Variants in ZPBP observed in about 807,000 individuals in gnomAD.
ZPBP encodes zona pellucida-binding protein 1.
A neutral mutation model predicts 44.8 loss-of-function variants in ZPBP; 26 were observed. The observed-to-expected ratio is 0.58, with a 90% CI of 0.43 to 0.81. The LOEUF (loss-of-function observed/expected upper bound fraction) is 0.81. Among genes scored for constraint, ZPBP ranks in the 30% least tolerant of loss-of-function variants. The pLI, the probability that ZPBP is intolerant of heterozygous loss-of-function variation, is 0.00. For synonymous variants in ZPBP, 174 were observed against 153.2 expected (o/e 1.14, Z -1.00); for missense variants, 409 against 434.0 (o/e 0.94, Z 0.51).
intron 3 of ZPBP, among the ~76,000 whole-genome samples, chr7:50,060,894 T>C (rs1219093304): frequency 2.6e-5 from 4 of 152,126 alleles, no homozygotes; most frequent in African/African-American, 9.7e-5. Flanking sequence ...CTGATGAACA[T>C]AGATGTAAAA....
At chr7:49,909,124 G>A (rs1452646071) in intron 1 of ZPBP, among the ~76,000 whole-genome samples, 1 of 152,138 alleles carries the variant, frequency 6.6e-6, no homozygotes, top group Non-Finnish European at 1.5e-5. Flanking sequence ...AATTTAATCA[G>A]TCCAAGATCA....
intron 3 of ZPBP, among the ~76,000 whole-genome samples, chr7:50,078,419 G>A (rs530907148): frequency 1.3e-5 from 2 of 151,404 alleles, no homozygotes; most frequent in African/African-American, 2.4e-5. Flanking sequence ...ATAACCTAAG[G>A]AATAAATGCT....
intron 4 of ZPBP, among the ~76,000 whole-genome samples, chr7:50,052,469 T>G (rs1345098023): frequency 6.6e-6 from 1 of 152,158 alleles, no homozygotes; most frequent in African/African-American, 2.4e-5. Context: ...GGTGGAGACA[T>G]GGAGTAACTG....
chr7:50,061,201 C>A (rs185383975), intron 3 of ZPBP, among the ~76,000 whole-genome samples: 18 of 152,226 alleles, frequency 1.2e-4, no homozygotes, highest in Non-Finnish European at 2.4e-4. Flanking sequence ...CCACAGCCAA[C>A]ATCATACTAA....
intron 3 of ZPBP, among the ~76,000 whole-genome samples, chr7:50,073,483 G>A (rs1801944717): frequency 6.6e-6 from 1 of 152,092 alleles, no homozygotes; most frequent in African/African-American, 2.4e-5. Context: ...AGGGTAGAAA[G>A]TTTATTCAAA....
At chr7:50,040,800 G>A (rs901621263) in intron 4 of ZPBP, among the ~76,000 whole-genome samples, 4 of 152,184 alleles carry the variant, frequency 2.6e-5, no homozygotes, top group African/African-American at 4.8e-5. Flanking sequence ...GAACACCAGC[G>A]AGACAGAACC....
intron 3 of ZPBP, among the ~76,000 whole-genome samples, chr7:50,075,741 C>T (rs975851233): frequency 2.0e-5 from 3 of 151,780 alleles, no homozygotes; most frequent in East Asian, 1.9e-4. Flanking sequence ...TAACAAGTAA[C>T]AAGATAGAAG....
intron 4 of ZPBP, among the ~76,000 whole-genome samples, chr7:50,044,748 G>C (rs1299109497): frequency 6.6e-6 from 1 of 152,128 alleles, no homozygotes; most frequent in Non-Finnish European, 1.5e-5. Flanking sequence ...AAGAGGAGCT[G>C]GTACCATTCC....
intron 4 of ZPBP, among the ~76,000 whole-genome samples, chr7:50,050,121 G>T (rs1343486236): frequency 1.3e-5 from 2 of 151,904 alleles, no homozygotes; most frequent in African/African-American, 2.4e-5. Flanking sequence ...TAAATGGATA[G>T]ACATACCATG....
At chr7:49,858,808 T>A (rs1790533815) in intron 2 of ZPBP, among the ~76,000 whole-genome samples, 1 of 152,236 alleles carries the variant, frequency 6.6e-6, no homozygotes, top group Admixed American at 6.5e-5. Context: ...AAATGTTACT[T>A]ATTTTTTATG....
chr7:49,849,068 C>T (rs541022791), downstream of ZPBP, among the ~76,000 whole-genome samples: 1 of 152,262 alleles, frequency 6.6e-6, no homozygotes, highest in South Asian at 2.1e-4. Context: ...TGTGTTGGTG[C>T]GCTTCCCTCG....
At chr7:49,952,917 T>A (rs1251278864) in intron 7 of ZPBP, among the ~76,000 whole-genome samples, 1 of 151,972 alleles carries the variant, frequency 6.6e-6, no homozygotes, top group East Asian at 1.9e-4. Context: ...TAATAGGAAA[T>A]CCATGTATCA....
chr7:50,076,832 C>T (rs901400182), intron 3 of ZPBP, among the ~76,000 whole-genome samples: 7 of 151,752 alleles, frequency 4.6e-5, no homozygotes, highest in Non-Finnish European at 1.0e-4. Flanking sequence ...ACAAAGCAAT[C>T]TGGAGATTCA....
intron 4 of ZPBP, among the ~76,000 whole-genome samples, chr7:50,044,590 C>T (rs1251641066): frequency 6.6e-6 from 1 of 152,158 alleles, no homozygotes; most frequent in Non-Finnish European, 1.5e-5. Context: ...AATTCCTGGA[C>T]ACATACACTC....
intron 2 of ZPBP, among the ~76,000 whole-genome samples, chr7:49,894,348 G>A (rs1792275405): frequency 6.6e-6 from 1 of 152,120 alleles, no homozygotes; most frequent in Non-Finnish European, 1.5e-5. Context: ...TAGAGACGGG[G>A]TTTTGAACAC....
intron 2 of ZPBP, among the ~76,000 whole-genome samples, chr7:49,863,424 C>T (rs920646183): frequency 3.6e-4 from 54 of 152,102 alleles, no homozygotes; most frequent in African/African-American, 1.3e-3. Context: ...GATTCTCTCT[C>T]CCTTTTTTTC....
chr7:50,018,638 T>C (rs1375858173), intron 5 of ZPBP, among the ~76,000 whole-genome samples: 2 of 152,040 alleles, frequency 1.3e-5, no homozygotes, highest in Non-Finnish European at 1.5e-5. Flanking sequence ...TATACATTTA[T>C]GTGCATTCAT....
downstream of ZPBP, among the ~76,000 whole-genome samples, chr7:49,935,085 A>G (rs1057162490): frequency 1.4e-4 from 22 of 152,180 alleles, no homozygotes; most frequent in African/African-American, 5.1e-4. Flanking sequence ...AACAACTTCC[A>G]ACATTTCACA....
intron 3 of ZPBP, among the ~76,000 whole-genome samples, chr7:50,063,163 C>G (rs572620913): frequency 2.3e-4 from 35 of 152,284 alleles, no homozygotes; most frequent in African/African-American, 8.2e-4. Flanking sequence ...AGGGTCTTCA[C>G]AATGCCTGGG....
Sources: gnomAD v4.1 joint callset for allele counts (sites outside exome capture counted in the v4.1 genomes callset) on GRCh38, gnomAD v4.1.1 for gene constraint, MANE v1.5 for transcripts, NCBI Gene and HGNC (gene_info 2026-07-23, HGNC 2026-07-21) for gene names.